Variants in PCSK2 observed in about 807,000 individuals in gnomAD.
PCSK2 encodes neuroendocrine convertase 2.
PCSK2 carries 14 observed loss-of-function variants against 69.7 expected under a neutral mutation model. That is an observed-to-expected ratio of 0.20 (90% CI 0.13 to 0.31). PCSK2 has a LOEUF of 0.31. Ranked by LOEUF, PCSK2 falls within the 10% of genes least tolerant of loss-of-function variation. PCSK2 has a pLI of 1.00. For synonymous variants in PCSK2, 307 were observed against 320.7 expected, an observed-to-expected ratio of 0.96 and a Z score of 0.46; for missense variants, 544 against 842.5, an observed-to-expected ratio of 0.65 and a Z score of 4.39.
chr20:17,364,135 A>T (rs1287411046), intron 4 of PCSK2, among the ~76,000 whole-genome samples: 1 of 122,874 alleles, frequency 8.1e-6, no homozygotes, highest in Non-Finnish European at 1.7e-5. Flanking sequence ...CTTAAAGTAT[A>T]AAAAAAAAAA....
intron 8 of PCSK2, among the ~76,000 whole-genome samples, chr20:17,449,540 G>GTATGTATGTATATATATA (rs1568655123): frequency 2.2e-4 from 9 of 40,678 alleles, no homozygotes; most frequent in African/African-American, 9.4e-4. Flanking sequence ...ATATATATAT[G>GTATGTATGTATATATATA]TATATTTGAG....
chr20:17,375,886 A>T (rs1315913385), intron 5 of PCSK2, among the ~76,000 whole-genome samples: 1 of 152,024 alleles, frequency 6.6e-6, no homozygotes, highest in Non-Finnish European at 1.5e-5. Context: ...CTGCCATGGG[A>T]CTCTGTAGAA....
intron 9 of PCSK2, among the ~76,000 whole-genome samples, chr20:17,454,894 G>C (rs2032891551): frequency 6.6e-6 from 1 of 152,176 alleles, no homozygotes; most frequent in African/African-American, 2.4e-5. Flanking sequence ...GCGTGAGCGA[G>C]GAGAAGCCCT....
chr20:17,473,060 T>C (rs1195515824), intron 11 of PCSK2, among the ~76,000 whole-genome samples: 1 of 151,590 alleles, frequency 6.6e-6, no homozygotes, highest in Non-Finnish European at 1.5e-5. Context: ...ATTTTGCATG[T>C]TATCTCTAAT....
At chr20:17,269,009 T>C (rs1051765696) in intron 2 of PCSK2, among the ~76,000 whole-genome samples, 1 of 152,210 alleles carries the variant, frequency 6.6e-6, no homozygotes, top group Admixed American at 6.5e-5. Context: ...TGCATTACTA[T>C]AGAATGAAAT....
chr20:17,338,171 T>TGC (rs1729156657), intron 2 of PCSK2, among the ~76,000 whole-genome samples: 2 of 112,842 alleles, frequency 1.8e-5, no homozygotes, highest in Non-Finnish European at 3.6e-5. Context: ...ACATTTTTTT[T>TGC]GGGGGGGGGG....
chr20:17,228,206 C>T (rs903634846), intron 1 of PCSK2: 1 of 152,306 alleles, frequency 6.6e-6, no homozygotes, highest in Non-Finnish European at 1.5e-5. Context: ...TCGAGGTGTC[C>T]TCTCCTGATG....
At chr20:17,255,108 A>T (rs1184570847) in intron 1 of PCSK2, among the ~76,000 whole-genome samples, 1 of 152,178 alleles carries the variant, frequency 6.6e-6, no homozygotes, top group Non-Finnish European at 1.5e-5. Flanking sequence ...GTCTTCTGCA[A>T]ATAGAGATAG....
chr20:17,421,806 G>GT (rs2032132366), intron 6 of PCSK2, among the ~76,000 whole-genome samples: 1 of 23,538 alleles, frequency 4.2e-5, no homozygotes, highest in Non-Finnish European at 7.0e-5. Context: ...AGGAAGAGAG[G>GT]TAAAAAAAAA....
rs1001112712 is a variant in PCSK2 at position 17,351,805 on chromosome 20, C to T, written c.283-6522C>T. ...GACAGAAACAAGACAAAGATGCCTA[C>T]TCTCACCACCCCTATTCAACATAGT... On this transcript the variant is annotated intron_variant, in intron 2 of 11. Coordinates refer to ENST00000262545, the MANE Select transcript of PCSK2 (RefSeq NM_002594.5). Among the ~76,000 whole-genome samples the T allele has an allele frequency of 7.2e-5, 11 of 152,258 alleles. No individual in the cohort carries two copies. The East Asian group carries it at 1.9e-3, about 27-fold the overall frequency.
intron 2 of PCSK2, among the ~76,000 whole-genome samples, chr20:17,323,711 A>T (rs1989947590): frequency 6.6e-6 from 1 of 152,266 alleles, no homozygotes; most frequent in South Asian, 2.1e-4. Flanking sequence ...TTCCATGGGC[A>T]GCACAGGGCA....
chr20:17,369,343 T>A, intron 5 of PCSK2, 66 bp downstream of exon 5: 1 of 1,278,118 alleles, frequency 7.8e-7, no homozygotes, highest in Non-Finnish European at 1.1e-6. Flanking sequence ...CCCTGGCTAT[T>A]AGGAACATGC....
At chr20:17,240,170 G>T (rs1986511964) in intron 1 of PCSK2, among the ~76,000 whole-genome samples, 1 of 151,956 alleles carries the variant, frequency 6.6e-6, no homozygotes, top group Admixed American at 6.6e-5. Flanking sequence ...CACTTTTTAA[G>T]TCTCTGCTTG....
chr20:17,467,643 T>A (rs1439565305), intron 11 of PCSK2, among the ~76,000 whole-genome samples: 1 of 152,152 alleles, frequency 6.6e-6, no homozygotes, highest in East Asian at 1.9e-4. Flanking sequence ...AAATGTGGAA[T>A]TTTTTCCATT....
intron 2 of PCSK2, among the ~76,000 whole-genome samples, chr20:17,312,440 G>A (rs996024484): frequency 6.6e-5 from 10 of 152,070 alleles, no homozygotes; most frequent in African/African-American, 1.2e-4. Flanking sequence ...TTTGATCCAT[G>A]TATCAATTCT....
At chr20:17,233,794 C>T (rs1159988647) in intron 1 of PCSK2, among the ~76,000 whole-genome samples, 2 of 152,300 alleles carry the variant, frequency 1.3e-5, no homozygotes, top group South Asian at 2.1e-4. Context: ...CATTTCCCAG[C>T]CTGCCTTGTA....
At chr20:17,357,193 G>A (rs1000869611) in intron 2 of PCSK2, among the ~76,000 whole-genome samples, 3 of 152,226 alleles carry the variant, frequency 2.0e-5, no homozygotes, top group South Asian at 2.1e-4. Context: ...ATTGCCAGAA[G>A]CTGCTTGAAC....
chr20:17,259,338 C>T (rs1022041868), intron 1 of PCSK2, among the ~76,000 whole-genome samples: 2 of 152,180 alleles, frequency 1.3e-5, no homozygotes, highest in African/African-American at 4.8e-5. Context: ...AGGTTAAGAA[C>T]TGCAAACAGC....
chr20:17,261,190 G>A (rs933765791), intron 2 of PCSK2, among the ~76,000 whole-genome samples: 13 of 152,226 alleles, frequency 8.5e-5, no homozygotes, highest in African/African-American at 2.7e-4. Flanking sequence ...AGGAAGGAAA[G>A]TATGTAATAA....
Sources: gnomAD v4.1 joint callset for allele counts (sites outside exome capture counted in the v4.1 genomes callset) on GRCh38, gnomAD v4.1.1 for gene constraint, MANE v1.5 for transcripts, NCBI Gene and HGNC (gene_info 2026-07-23, HGNC 2026-07-21) for gene names.